PCDH7: variants seen among roughly 807,000 people sequenced by gnomAD.
PCDH7 encodes the protein protocadherin-7.
In PCDH7, 17 loss-of-function variants were observed where a neutral mutation model predicts 58.9. The observed-to-expected ratio is 0.29, with a 90% confidence interval of 0.20 to 0.43. The LOEUF is 0.43. Among genes scored for constraint, PCDH7 ranks in the 20% least tolerant of loss-of-function variants. The pLI is 1.00. For missense variants in PCDH7, 1,274 were observed against 1,441.0 expected (o/e 0.88, Z 1.88); for synonymous variants, 664 against 616.4 (o/e 1.08, Z -1.14).
chr4:30,922,167 T>A (rs1464866938), intron 2 of PCDH7, among the ~76,000 whole-genome samples: 1 of 151,582 alleles, frequency 6.6e-6, no homozygotes, highest in East Asian at 1.9e-4. Flanking sequence ...ATAGTACATA[T>A]AATTACTTAT....
chr4:30,934,237 CTGAG>C (rs1372457022), intron 2 of PCDH7, among the ~76,000 whole-genome samples: 1 of 152,164 alleles, frequency 6.6e-6, no homozygotes, highest in African/African-American at 2.4e-5. Flanking sequence ...CTGCCTACGT[CTGAG>C]TATTATCTAT....
chr4:30,818,897 A>C (rs78343584), intron 1 of PCDH7, among the ~76,000 whole-genome samples: 3,786 of 151,210 alleles, frequency 0.025, 177 homozygotes, highest in African/African-American at 0.086. Context: ...AATCTCTTTT[A>C]TTTTCCCTAC....
chr4:31,042,196 G>C (rs978601716), intron 3 of PCDH7, among the ~76,000 whole-genome samples: 7 of 152,132 alleles, frequency 4.6e-5, no homozygotes, highest in African/African-American at 1.7e-4. Flanking sequence ...ATGTTTGATT[G>C]ATTGTCATTT....
intron 1 of PCDH7, among the ~76,000 whole-genome samples, chr4:30,830,652 T>G (rs941901190): frequency 1.3e-5 from 2 of 152,052 alleles, no homozygotes; most frequent in African/African-American, 4.8e-5. Context: ...AATAGAAATC[T>G]TGGGCCTAGA....
At chr4:31,006,632 C>A (rs1229079997) in intron 3 of PCDH7, among the ~76,000 whole-genome samples, 1 of 152,108 alleles carries the variant, frequency 6.6e-6, no homozygotes, top group African/African-American at 2.4e-5. Context: ...GTGGCTCATG[C>A]CTGTAATCCC....
intron 2 of PCDH7, among the ~76,000 whole-genome samples, chr4:30,943,568 C>G (rs1333234638): frequency 6.6e-6 from 1 of 152,134 alleles, no homozygotes; most frequent in Admixed American, 6.6e-5. Context: ...TTTCTTTCAT[C>G]AGAGTGGTCT....
chr4:30,871,151 A>G (rs560308855), intron 1 of PCDH7, among the ~76,000 whole-genome samples: 15 of 152,196 alleles, frequency 9.9e-5, no homozygotes, highest in Admixed American at 9.2e-4. Flanking sequence ...AGTTCTAGAG[A>G]TGATGAGAAA....
At chr4:30,801,588 T>C (rs373063860) in intron 1 of PCDH7, among the ~76,000 whole-genome samples, 1 of 152,186 alleles carries the variant, frequency 6.6e-6, no homozygotes, top group Admixed American at 6.5e-5. Flanking sequence ...AAACTAAAGA[T>C]ATTACACAAA....
intron 3 of PCDH7, among the ~76,000 whole-genome samples, chr4:31,034,518 A>C (rs189669885): frequency 6.6e-6 from 1 of 152,226 alleles, no homozygotes; most frequent in Non-Finnish European, 1.5e-5. Flanking sequence ...TACAATGAAG[A>C]CAACTAAAGC....
intron 2 of PCDH7, among the ~76,000 whole-genome samples, chr4:30,923,598 A>G (rs1231755881): frequency 1.3e-5 from 2 of 152,188 alleles, no homozygotes. Flanking sequence ...ACCGGAATCT[A>G]ATAATGTAGA....
chr4:31,049,003 A>T (rs13135012), intron 3 of PCDH7, among the ~76,000 whole-genome samples: 1 of 152,068 alleles, frequency 6.6e-6, no homozygotes, highest in African/African-American at 2.4e-5. Context: ...TTTAAAAGTA[A>T]TTTTTTTAAT....
intron 3 of PCDH7, among the ~76,000 whole-genome samples, chr4:31,060,041 A>G (rs1419560839): frequency 2.0e-5 from 3 of 151,734 alleles, no homozygotes; most frequent in African/African-American, 7.2e-5. Context: ...ATACCAGACC[A>G]AAGAAATGTA....
chr4:31,029,927 A>T (rs964019940), intron 3 of PCDH7, among the ~76,000 whole-genome samples: 1 of 152,190 alleles, frequency 6.6e-6, no homozygotes, highest in Non-Finnish European at 1.5e-5. Context: ...CTAATGCAGA[A>T]GTAGTTTAGA....
intron 1 of PCDH7, among the ~76,000 whole-genome samples, chr4:30,843,274 T>C (rs1731465768): frequency 6.6e-6 from 1 of 152,080 alleles, no homozygotes; most frequent in Non-Finnish European, 1.5e-5. Context: ...CAATCTGGGC[T>C]CATTGTAATC....
chr4:30,867,001 G>C (rs1734964693), intron 1 of PCDH7, among the ~76,000 whole-genome samples: 2 of 152,084 alleles, frequency 1.3e-5, no homozygotes, highest in Admixed American at 1.3e-4. Flanking sequence ...ATGTGAGGTA[G>C]ATCTAAGGTT....
At chr4:30,958,465 A>C (rs552230079) in intron 3 of PCDH7, among the ~76,000 whole-genome samples, 213 of 152,124 alleles carry the variant, frequency 1.4e-3, no homozygotes, top group African/African-American at 5.0e-3. Context: ...TTTAAATGAT[A>C]ATTAATAACT....
At chr4:30,878,239 G>A (rs963254268) in intron 1 of PCDH7, among the ~76,000 whole-genome samples, 8 of 152,092 alleles carry the variant, frequency 5.3e-5, no homozygotes. Context: ...AGAGTTGTGA[G>A]GTCTGGATTT....
intron 2 of PCDH7, among the ~76,000 whole-genome samples, chr4:30,936,819 A>G (rs1396799736): frequency 1.3e-5 from 2 of 152,150 alleles, no homozygotes; most frequent in Non-Finnish European, 2.9e-5. Context: ...TCAGAATAAC[A>G]GAATAATAAC....
At chr4:30,768,860 A>G (rs1272173666) in intron 1 of PCDH7, among the ~76,000 whole-genome samples, 1 of 152,238 alleles carries the variant, frequency 6.6e-6, no homozygotes, top group Non-Finnish European at 1.5e-5. Flanking sequence ...ACAATTTGAA[A>G]TAAAGCATAA....
Sources: gnomAD v4.1 joint callset for allele counts (sites outside exome capture counted in the v4.1 genomes callset) on GRCh38, gnomAD v4.1.1 for gene constraint, MANE v1.5 for transcripts, NCBI Gene and HGNC (gene_info 2026-07-23, HGNC 2026-07-21) for gene names.